PHACTR1: variants seen among roughly 807,000 people sequenced by gnomAD.
PHACTR1 encodes RPEL repeat containing 1.
In PHACTR1, 16 loss-of-function variants were observed where a neutral mutation model predicts 69.2. The observed-to-expected ratio is 0.23, with a 90% confidence interval of 0.16 to 0.35. The LOEUF (loss-of-function observed/expected upper bound fraction) is 0.35. PHACTR1 is among the 10% of genes least tolerant of loss of function. The pLI is 1.00. For missense variants in PHACTR1, 510 were observed against 734.7 expected (o/e 0.69, Z 3.54); for synonymous variants, 312 against 284.5 (o/e 1.10, Z -0.97).
At chr6:12,976,029 C>T (rs946163800) in intron 4 of PHACTR1, among the ~76,000 whole-genome samples, 3 of 152,120 alleles carry the variant, frequency 2.0e-5, no homozygotes, top group Non-Finnish European at 4.4e-5. Flanking sequence ...ATTCCTTTTC[C>T]CCCTTCTGAA....
chr6:13,278,976 A>AC (rs1011210935), intron 12 of PHACTR1, among the ~76,000 whole-genome samples: 9 of 151,258 alleles, frequency 6.0e-5, no homozygotes, highest in Non-Finnish European at 1.2e-4. Context: ...AAAAAAAAAA[A>AC]ATTACTAGTT....
Position 13,064,412 on chromosome 6 carries a change from A to G in PHACTR1, c.415+10883A>G, listed in dbSNP as rs370315149. Among the ~76,000 whole-genome samples, 3 of 151,748 alleles carry G rather than the reference A, an allele frequency of 2.0e-5. No homozygotes were observed. In the East Asian group the frequency reaches 5.8e-4, roughly 30 times the overall value. Reference sequence around the variant, plus strand: ...AGGGGAGAAGAAAAGACACACACACAATATCTTTAAGGGTAAACAAGCTTT... The same window carrying G: ...AGGGGAGAAGAAAAGACACACACACGATATCTTTAAGGGTAAACAAGCTTT... On this transcript the variant is annotated intron_variant, in intron 5 of 14. Coordinates refer to ENST00000332995, the MANE Select transcript of PHACTR1 (RefSeq NM_030948.6).
At chr6:12,869,559 A>C (rs931202677) in intron 4 of PHACTR1, among the ~76,000 whole-genome samples, 1 of 152,094 alleles carries the variant, frequency 6.6e-6, no homozygotes, top group African/African-American at 2.4e-5. Flanking sequence ...TCCCCTGATG[A>C]TCTAGCCCTA....
At chr6:13,004,131 C>T (rs1022497752) in intron 4 of PHACTR1, among the ~76,000 whole-genome samples, 7 of 151,140 alleles carry the variant, frequency 4.6e-5, no homozygotes, top group Non-Finnish European at 8.8e-5. Flanking sequence ...TTTGTGTATA[C>T]ACTCAGTAGT....
At chr6:13,073,369 A>C (rs1414894957) in intron 5 of PHACTR1, among the ~76,000 whole-genome samples, 8 of 93,800 alleles carry the variant, frequency 8.5e-5, no homozygotes, top group African/African-American at 2.6e-4. Context: ...TTTGAGACAG[A>C]GTCTCACTCT....
chr6:12,803,888 A>C (rs1367520665), intron 4 of PHACTR1, among the ~76,000 whole-genome samples: 1 of 152,066 alleles, frequency 6.6e-6, no homozygotes, highest in Non-Finnish European at 1.5e-5. Flanking sequence ...CCTCAACCCC[A>C]CCCCATTTGA....
chr6:13,170,975 C>A (rs2113635599), intron 6 of PHACTR1, among the ~76,000 whole-genome samples: 1 of 152,286 alleles, frequency 6.6e-6, no homozygotes, highest in Non-Finnish European at 1.5e-5. Context: ...TCCATTCTGG[C>A]CCTTGCCTGT....
At chr6:12,945,612 C>T (rs940099423) in intron 4 of PHACTR1, among the ~76,000 whole-genome samples, 1 of 152,150 alleles carries the variant, frequency 6.6e-6, no homozygotes, top group Non-Finnish European at 1.5e-5. Context: ...GTTTAGGAAA[C>T]ACTGGGTAGC....
At chr6:13,159,116 G>A (rs1220475608) in intron 5 of PHACTR1, among the ~76,000 whole-genome samples, 1 of 151,992 alleles carries the variant, frequency 6.6e-6, no homozygotes, top group African/African-American at 2.4e-5. Flanking sequence ...TACTTGATTT[G>A]CCCCCCAGCA....
intron 4 of PHACTR1, chr6:12,957,291 TC>T: frequency 1.1e-6 from 1 of 878,206 alleles, no homozygotes; most frequent in Non-Finnish European, 1.4e-6. Flanking sequence ...GGCTGTGAGT[TC>T]CAGACTTCCA....
intron 4 of PHACTR1, among the ~76,000 whole-genome samples, chr6:12,897,785 T>C (rs996359783): frequency 6.6e-6 from 1 of 151,990 alleles, no homozygotes; most frequent in African/African-American, 2.4e-5. Context: ...TACATAGGTA[T>C]ACATGTGCCA....
At chr6:12,809,159 G>T (rs1024081912) in intron 4 of PHACTR1, among the ~76,000 whole-genome samples, 1 of 152,112 alleles carries the variant, frequency 6.6e-6, no homozygotes, top group African/African-American at 2.4e-5. Context: ...AAGTGCTGAT[G>T]TTACAGGAGT....
At chr6:13,220,079 A>G (rs1768362064) in intron 8 of PHACTR1, among the ~76,000 whole-genome samples, 1 of 152,216 alleles carries the variant, frequency 6.6e-6, no homozygotes, top group South Asian at 2.1e-4. Context: ...TGAGATGATG[A>G]ACATTTACAA....
intron 3 of PHACTR1, among the ~76,000 whole-genome samples, chr6:12,739,003 T>C (rs555510437): frequency 1.3e-5 from 2 of 152,244 alleles, no homozygotes; most frequent in Non-Finnish European, 2.9e-5. Flanking sequence ...TGGTTTATTA[T>C]TCACTAGTGG....
chr6:12,945,004 G>A (rs915629483), intron 4 of PHACTR1, among the ~76,000 whole-genome samples: 5 of 152,030 alleles, frequency 3.3e-5, no homozygotes, highest in South Asian at 4.2e-4. Flanking sequence ...GGATGGTCTC[G>A]ATCTCCTGAC....
At chr6:13,128,975 C>T (rs1003564422) in intron 5 of PHACTR1, among the ~76,000 whole-genome samples, 1 of 152,166 alleles carries the variant, frequency 6.6e-6, no homozygotes, top group Non-Finnish European at 1.5e-5. Flanking sequence ...CCTTACAAGT[C>T]ATTAGGGATC....
At chr6:12,987,606 C>T (rs1040495799) in intron 4 of PHACTR1, among the ~76,000 whole-genome samples, 1 of 151,910 alleles carries the variant, frequency 6.6e-6, no homozygotes, top group Non-Finnish European at 1.5e-5. Flanking sequence ...TGGAGATCTT[C>T]AAGCAGAATG....
At position 13,053,394 on chromosome 6, in the gene PHACTR1, C is replaced by A; in HGVS notation, c.280C>A (p.Arg94Ser). The change falls in exon 5 of 15, where the codon CGT (arginine) becomes AGT (serine). Residue 94 changes from arginine to serine, a missense_variant. Physicochemically the swap from Arg to Ser is moderately radical, Grantham distance 110. Coordinates refer to ENST00000332995, the MANE Select transcript of PHACTR1 (RefSeq NM_030948.6). The part of the protein sequence containing the change: ...AEEVERLAAM[R>S]SDSLVPGTHT... ...GGAAGTGGAGAGGCTGGCGGCGATG[C>A]GTTCTGACTCCCTCGTCCCAGGCAC... 1.2e-6 allele frequency: 2 copies of A among 1,610,834 alleles called. No individual in the cohort carries two copies. The highest frequency in any genetic ancestry group is 1.7e-6 in the Non-Finnish European group (2 of 1,178,306).
At chr6:13,190,198 A>ATTTTGTTTTTTTTTTTTTTTT (rs1763358725) in intron 7 of PHACTR1, among the ~76,000 whole-genome samples, 1 of 87,266 alleles carries the variant, frequency 1.1e-5, no homozygotes, top group Non-Finnish European at 2.1e-5. Flanking sequence ...TAATTTTTGT[A>ATTTTGTTTTTTTTTTTTTTTT]TTTTTTTTTT....
Sources: gnomAD v4.1 joint callset for allele counts (sites outside exome capture counted in the v4.1 genomes callset) on GRCh38, gnomAD v4.1.1 for gene constraint, MANE v1.5 for transcripts, NCBI Gene and HGNC (gene_info 2026-07-23, HGNC 2026-07-21) for gene names.